Variants in FAIM2 observed in about 807,000 individuals in gnomAD.
FAIM2 encodes the protein Fas apoptotic inhibitory molecule 2, also known as protein lifeguard 2.
In FAIM2, 27 loss-of-function variants were observed where a neutral mutation model predicts 47.4. The observed-to-expected ratio is 0.57, with a 90% CI of 0.42 to 0.78. The LOEUF is 0.78. FAIM2 is among the 30% of genes least tolerant of loss of function. The pLI is 0.00. For missense variants in FAIM2, 311 were observed against 389.4 expected, an observed-to-expected ratio of 0.80 and a Z score of 1.69; for synonymous variants, 156 against 159.3, an observed-to-expected ratio of 0.98 and a Z score of 0.16.
intron 2 of FAIM2, among the ~76,000 whole-genome samples, chr12:49,898,959 A>G (rs1203160358): frequency 6.6e-6 from 1 of 152,130 alleles, no homozygotes; most frequent in African/African-American, 2.4e-5. Context: ...AAGCCAGGAC[A>G]AGGGCAAGAA....
In FAIM2 at chr12:49,889,148, A is replaced by G; in HGVS notation, c.706T>C (p.Phe236Leu). ...VLFVLLMTLF[F>L]SGLILAILLP... ...AGGATGGCCAGGATGAGTCCGCTGA[A>G]GAAAAGAGTCATGAGAAGCACGAAG... The change falls in exon 10 of 12, where the codon TTC (phenylalanine) becomes CTC (leucine). Residue 236 changes from phenylalanine (F) to leucine (L), a missense_variant. By Grantham distance (22) the Phe-to-Leu change is conservative. Coordinates refer to ENST00000320634, the MANE Select transcript of FAIM2 (RefSeq NM_012306.4). 1 of 1,612,524 alleles carries G rather than the reference A, an allele frequency of 6.2e-7. No homozygotes were observed. Among genetic ancestry groups the G allele is most frequent in the Non-Finnish European group, 8.5e-7 (1 of 1,179,372 alleles).
In FAIM2 at chr12:49,890,681, A is replaced by G; in HGVS notation, c.525+2T>C. ...GTCCTCAGCACACCCAGGATCACTT[A>G]CAAAGACGGTCAGGAGAATCAGGTT... On this transcript the variant is annotated splice_donor_variant, in intron 7 of 11. Coordinates refer to ENST00000320634, the MANE Select transcript of FAIM2 (RefSeq NM_012306.4). LOFTEE classifies it high-confidence loss of function. 1 of 1,613,916 alleles carries G rather than the reference A, an allele frequency of 6.2e-7. No individual in the cohort carries two copies. The highest frequency in any genetic ancestry group is 8.5e-7 in the Non-Finnish European group (1 of 1,179,856).
chr12:49,889,058 T>C (rs1300104336), intron 10 of FAIM2, 49 bp downstream of exon 10: 16 of 1,426,010 alleles, frequency 1.1e-5, no homozygotes, highest in South Asian at 1.1e-4. Flanking sequence ...CTTGGGCCAG[T>C]GGGGCCCCTC....
At chr12:49,871,027 C>T (rs76022959) in intron 11 of FAIM2, among the ~76,000 whole-genome samples, 5,492 of 152,272 alleles carry the variant, frequency 0.036, 134 homozygotes, top group Non-Finnish European at 0.057. Context: ...GGGAAGGCTT[C>T]CTGGGAGAGG....
chr12:49,879,832 G>A (rs531570684), intron 11 of FAIM2, among the ~76,000 whole-genome samples: 114 of 151,640 alleles, frequency 7.5e-4, no homozygotes, highest in African/African-American at 2.0e-3. Context: ...GTATATGTGC[G>A]TGCATGTGTG....
At chr12:49,890,640 T>C (rs370108757) in intron 7 of FAIM2, 43 bp downstream of exon 7, 3 of 1,588,994 alleles carry the variant, frequency 1.9e-6, no homozygotes, top group South Asian at 1.1e-5. Flanking sequence ...TCTTCCTCCA[T>C]CCCCACTCAG....
chr12:49,897,764 A>AC (rs11378140), intron 3 of FAIM2, among the ~76,000 whole-genome samples, 181 bp from the exon 4 acceptor site: 51,864 of 149,796 alleles, frequency 0.35, 12,522 homozygotes, highest in African/African-American at 0.68. Flanking sequence ...AGCCAAGCGC[A>AC]CCCCCCCCCA....
chr12:49,881,241 G>A (rs1336382666), intron 11 of FAIM2, among the ~76,000 whole-genome samples: 1 of 152,016 alleles, frequency 6.6e-6, no homozygotes, highest in African/African-American at 2.4e-5. Context: ...CCTCTGGTCT[G>A]TCCACTCAGC....
intron 11 of FAIM2, among the ~76,000 whole-genome samples, chr12:49,871,201 C>A (rs1461944791): frequency 6.6e-6 from 1 of 152,216 alleles, no homozygotes; most frequent in Non-Finnish European, 1.5e-5. Flanking sequence ...ATTCTTCCTA[C>A]AGGAAGCGAG....
chr12:49,885,919 G>A (rs78131161), intron 11 of FAIM2, among the ~76,000 whole-genome samples: 1,524 of 152,226 alleles, frequency 0.01, 21 homozygotes, highest in African/African-American at 0.034. Flanking sequence ...GAGAGGACGC[G>A]TGAATGAACC....
At chr12:49,894,203 C>T (rs1407084035) in intron 5 of FAIM2, among the ~76,000 whole-genome samples, 1 of 152,224 alleles carries the variant, frequency 6.6e-6, no homozygotes, top group African/African-American at 2.4e-5. Context: ...TGAGACAGCA[C>T]AGTTCAAGCA....
intron 11 of FAIM2, among the ~76,000 whole-genome samples, chr12:49,879,374 GTA>G (rs1335735437): frequency 5.9e-5 from 9 of 151,648 alleles, no homozygotes; most frequent in Middle Eastern, 3.4e-3. Flanking sequence ...GTGCATGTGT[GTA>G]TATGTGTATG....
chr12:49,887,366 A>C lies in FAIM2; in HGVS notation c.801+20T>G. ...CAGGATGCTGGGAAGGAGGCTGCCA[A>C]GGAGCTAGACCACACTCACCAATGT... On this transcript the variant is annotated intron_variant, in intron 11 of 11. Coordinates refer to ENST00000320634, the MANE Select transcript of FAIM2 (RefSeq NM_012306.4). The C allele has an allele frequency of 1.2e-6, 2 of 1,605,374 alleles. No homozygotes were observed. Among genetic ancestry groups the C allele is most frequent in the South Asian group, 1.1e-5 (1 of 89,572 alleles).
At chr12:49,893,877 T>C (rs1222712909) in intron 5 of FAIM2, among the ~76,000 whole-genome samples, 9 of 152,214 alleles carry the variant, frequency 5.9e-5, no homozygotes, top group African/African-American at 2.2e-4. Flanking sequence ...GCAATAATGC[T>C]AATAATAATA....
At chr12:49,880,385 T>C (rs1946806741) in intron 11 of FAIM2, among the ~76,000 whole-genome samples, 2 of 115,540 alleles carry the variant, frequency 1.7e-5, no homozygotes, top group African/African-American at 7.0e-5. Context: ...TGTGTGTCTA[T>C]GTGTGCATGT....
chr12:49,901,037 C>A (rs1221747542), intron 2 of FAIM2, 93 bp downstream of exon 2: 23 of 990,156 alleles, frequency 2.3e-5, no homozygotes, highest in Non-Finnish European at 3.2e-5. Flanking sequence ...ACACAGTGTA[C>A]CTCTTTCTGG....
rs181764720 is a variant in FAIM2, at chr12:49,898,356, C to T, written c.212-266G>A. 1.3e-4 allele frequency among the ~76,000 whole-genome samples: 7 copies of T among 52,932 alleles called. 1 individual carries two copies. The East Asian group carries it at 2.1e-3, about 16-fold the overall frequency. The allele number at this position is 52,932 out of a possible 152,430, so 34.7% of individuals were successfully genotyped here. ...TCTCCCTCCACCCCGGCTGGGGCTC[C>T]CTGGGGACCAAGCTCTGCCATACGA... On this transcript the variant is annotated intron_variant, in intron 2 of 11. Transcript: ENST00000320634.
intron 11 of FAIM2, among the ~76,000 whole-genome samples, chr12:49,878,410 G>GTC (rs1491056597): frequency 3.7e-5 from 2 of 54,416 alleles, no homozygotes; most frequent in African/African-American, 1.8e-4. Flanking sequence ...GTGTGCATGT[G>GTC]AGTGTATGTG....
chr12:49,897,945 C>T (rs761489779), intron 3 of FAIM2, 42 bp downstream of exon 3: 4 of 1,487,458 alleles, frequency 2.7e-6, no homozygotes, highest in Non-Finnish European at 3.8e-6. Context: ...GGGGCTCCCC[C>T]ACTGAGGCTC....
Sources: gnomAD v4.1 joint callset for allele counts (sites outside exome capture counted in the v4.1 genomes callset) on GRCh38, gnomAD v4.1.1 for gene constraint, MANE v1.5 for transcripts, NCBI Gene and HGNC (gene_info 2026-07-23, HGNC 2026-07-21) for gene names.